Variants in ENPP2 observed in about 807,000 individuals in gnomAD.
ENPP2 encodes autotaxin.
ENPP2 carries 51 observed loss-of-function variants against 120.2 expected under a neutral mutation model. The ratio of observed to expected loss-of-function variants is 0.42; its 90% CI spans 0.34 to 0.54. ENPP2 has a LOEUF of 0.54. Among genes scored for constraint, ENPP2 ranks in the 20% least tolerant of loss-of-function variants. The probability of loss-of-function intolerance (pLI) is 0.04; values close to 1 mark genes in which losing one functional copy is unlikely to be tolerated. For missense variants in ENPP2, 920 were observed against 1,066.5 expected, an observed-to-expected ratio of 0.86 and a Z score of 1.91; for synonymous variants, 365 against 366.4, an observed-to-expected ratio of 1.00 and a Z score of 0.04.
Position 119,583,784 on chromosome 8 carries a change from G to C in ENPP2, c.1476C>G (p.Gly492=). 1 of 1,592,728 alleles carries C rather than the reference G, an allele frequency of 6.3e-7. No homozygotes were observed. The highest frequency in any genetic ancestry group is 8.6e-7 in the Non-Finnish European group (1 of 1,162,606). The part of the protein sequence containing the change: ...NSMQTVFVGY[G]STFKYKTKVP... ...CTTTAGTCTTGTACTTAAATGTTGA[G>C]CCATAACCTACAAAAACAGTCTTCC... Residue 492 remains glycine (G), a synonymous_variant, in exon 17 of 25, where the codon GGC becomes GGG. Transcript: ENST00000075322.
At chr8:119,583,887 C>A in intron 16 of ENPP2, 75 bp downstream of exon 16, 1 of 1,359,992 alleles carries the variant, frequency 7.4e-7, no homozygotes, top group Non-Finnish European at 1.1e-6. Context: ...TGTACAACTT[C>A]ACTCACACCA....
chr8:119,608,538 T>G (rs1814879159), intron 8 of ENPP2, among the ~76,000 whole-genome samples: 1 of 152,242 alleles, frequency 6.6e-6, no homozygotes, highest in Non-Finnish European at 1.5e-5. Context: ...TAGAGGAAAG[T>G]TCCTAGAATA....
In ENPP2 at chr8:119,562,875, G is replaced by A; in HGVS notation, c.2403C>T (p.Asp801=). The part of the protein sequence containing the change: ...VSSFILPHRP[D]NEESCNSSED... ...AACTCACATTGCAGCTCTCCTCGTTGTCAGGCCGGTGAGGCAGGATGAAGG... is the reference window on the plus strand; with the variant it reads ...AACTCACATTGCAGCTCTCCTCGTTATCAGGCCGGTGAGGCAGGATGAAGG... Residue 801 remains aspartate (D), a synonymous_variant, in exon 24 of 25, where the codon GAC becomes GAT. Coordinates refer to ENST00000075322, the MANE Select transcript of ENPP2 (RefSeq NM_001040092.3). 1 of 1,614,104 alleles carries A rather than the reference G, an allele frequency of 6.2e-7. No homozygotes were observed. The highest frequency in any genetic ancestry group is 1.1e-5 in the South Asian group (1 of 91,066).
At chr8:119,657,179 C>G (rs1031882028) in intron 1 of ENPP2, among the ~76,000 whole-genome samples, 19 of 152,188 alleles carry the variant, frequency 1.2e-4, no homozygotes, top group Admixed American at 1.2e-3. Flanking sequence ...CCCTCCTCGG[C>G]CTCCCAAAGT....
intron 6 of ENPP2, 53 bp from the exon 7 acceptor site, chr8:119,617,296 T>TA: frequency 1.4e-6 from 2 of 1,420,106 alleles, no homozygotes; most frequent in Non-Finnish European, 2.0e-6. Flanking sequence ...GAATTGCTTA[T>TA]AGAAAATCCA....
intron 2 of ENPP2, among the ~76,000 whole-genome samples, chr8:119,629,544 T>C (rs2130793018): frequency 6.6e-6 from 1 of 152,272 alleles, no homozygotes; most frequent in Non-Finnish European, 1.5e-5. Flanking sequence ...ATCCCAGCCT[T>C]TATGGCATCA....
chr8:119,666,764 G>C (rs1818084333), intron 1 of ENPP2, among the ~76,000 whole-genome samples: 1 of 134,288 alleles, frequency 7.4e-6, no homozygotes, highest in Non-Finnish European at 1.5e-5. Flanking sequence ...TGGGCAAAAA[G>C]AGCAAAACTG....
At chr8:119,603,419 C>T (rs1412296103) in intron 9 of ENPP2, among the ~76,000 whole-genome samples, 3 of 152,132 alleles carry the variant, frequency 2.0e-5, no homozygotes, top group African/African-American at 4.8e-5. Flanking sequence ...TGAATGCCCT[C>T]GTTGGATGGG....
intron 8 of ENPP2, 34 bp downstream of exon 8, chr8:119,616,231 A>G: frequency 6.4e-7 from 1 of 1,568,762 alleles, no homozygotes; most frequent in Non-Finnish European, 8.7e-7. Flanking sequence ...ATGAACACAC[A>G]AACACATAGA....
intron 1 of ENPP2, among the ~76,000 whole-genome samples, chr8:119,663,362 T>C (rs1817980516): frequency 6.6e-6 from 1 of 152,192 alleles, no homozygotes; most frequent in Non-Finnish European, 1.5e-5. Context: ...CACAAAATTA[T>C]CTTACAGATA....
chr8:119,612,513 C>T (rs547860931), intron 8 of ENPP2, among the ~76,000 whole-genome samples: 1 of 152,298 alleles, frequency 6.6e-6, no homozygotes, highest in South Asian at 2.1e-4. Context: ...CAGTCATTCA[C>T]TAAAATGGCT....
At chr8:119,616,143 A>G (rs1815441200) in intron 8 of ENPP2, 122 bp downstream of exon 8, 7 of 815,480 alleles carry the variant, frequency 8.6e-6, no homozygotes, top group East Asian at 2.6e-5. Flanking sequence ...ATCAAAAGAC[A>G]GAAACATTGC....
intron 19 of ENPP2, among the ~76,000 whole-genome samples, chr8:119,577,660 A>G (rs1310657494): frequency 1.3e-5 from 2 of 152,236 alleles, no homozygotes; most frequent in Non-Finnish European, 2.9e-5. Context: ...CCACTAGGCC[A>G]TGAGCAGACT....
At chr8:119,560,454 T>A (rs1455878495) in intron 24 of ENPP2, among the ~76,000 whole-genome samples, 1 of 152,154 alleles carries the variant, frequency 6.6e-6, no homozygotes, top group Non-Finnish European at 1.5e-5. Flanking sequence ...CCCATTCCCA[T>A]CATTTATAAA....
At position 119,671,911 on chromosome 8, in the gene ENPP2, C is replaced by T. The variant is rs574831368; in HGVS notation, c.21+1341G>A. On this transcript the variant is annotated intron_variant, in intron 1 of 25. Coordinates refer to the ENPP2 transcript ENST00000427067. Reference sequence around the variant, plus strand: ...GTAACTCAAAGGTCAGAAGGAAGCCCGGGAAGCATGGGATTGCAGGATCCA... The same window carrying T: ...GTAACTCAAAGGTCAGAAGGAAGCCTGGGAAGCATGGGATTGCAGGATCCA... Among the ~76,000 whole-genome samples the T allele has an allele frequency of 1.7e-3, 259 of 152,116 alleles. 1 individual carries two copies. The highest frequency in any genetic ancestry group is 3.4e-3 in the Middle Eastern group (1 of 294).
chr8:119,645,771 C>T (rs887989875), intron 1 of ENPP2, among the ~76,000 whole-genome samples: 4 of 148,984 alleles, frequency 2.7e-5, no homozygotes, highest in African/African-American at 9.9e-5. Context: ...GCTGAGATCG[C>T]ACCATTGCAC....
chr8:119,640,581 GA>G (rs934036897), upstream of ENPP2, among the ~76,000 whole-genome samples: 1 of 152,102 alleles, frequency 6.6e-6, no homozygotes, highest in South Asian at 2.1e-4. Context: ...GGTTCCCTTG[GA>G]AAAAAAGTTA....
At chr8:119,643,257 A>G (rs114802612), upstream of ENPP2, among the ~76,000 whole-genome samples, 1,460 of 152,296 alleles carry the variant, frequency 9.6e-3, 23 homozygotes, top group African/African-American at 0.033. Context: ...ACTAGTCTAA[A>G]CTGAGCAGAA....
At chr8:119,625,250 T>C (rs1407857673) in intron 3 of ENPP2, among the ~76,000 whole-genome samples, 1 of 152,160 alleles carries the variant, frequency 6.6e-6, no homozygotes, top group African/African-American at 2.4e-5. Context: ...CATCTATACA[T>C]TCAGTTTACA....
Sources: allele counts gnomAD v4.1 joint callset (sites outside exome capture counted in the v4.1 genomes callset), GRCh38; gene constraint gnomAD v4.1.1; transcripts MANE v1.5; gene names NCBI Gene and HGNC (gene_info 2026-07-23, HGNC 2026-07-21).